Variants in GLIS3 observed in about 807,000 individuals in gnomAD.
GLIS3 encodes GLIS family zinc finger 3.
GLIS3 carries 53 observed loss-of-function variants against 78.6 expected under a neutral mutation model. That is an observed-to-expected ratio of 0.67 (90% CI 0.54 to 0.85). The LOEUF (loss-of-function observed/expected upper bound fraction) is 0.85, where lower values mean the gene tolerates loss of function less well. GLIS3 is among the 40% of genes least tolerant of loss of function. The pLI, the probability that GLIS3 is intolerant of heterozygous loss-of-function variation, is 0.00. For synonymous variants in GLIS3, 684 were observed against 509.9 expected (o/e 1.34, Z -4.60); for missense variants, 1,703 against 1,231.1 (o/e 1.38, Z -5.74).
the GLIS3 span, among the ~76,000 whole-genome samples, chr9:4,363,155 G>T: frequency 1.6e-4 from 25 of 152,296 alleles, no homozygotes; most frequent in African/African-American, 5.5e-4. Context: ...GGGTGCAGTG[G>T]CTCACACATG....
At chr9:3,863,609 G>T (rs988760441) in intron 8 of GLIS3, among the ~76,000 whole-genome samples, 1 of 152,230 alleles carries the variant, frequency 6.6e-6, no homozygotes, top group Non-Finnish European at 1.5e-5. Context: ...ATGATGGCCT[G>T]AACCTACACT....
intron 4 of GLIS3, among the ~76,000 whole-genome samples, chr9:4,073,252 G>A (rs1031461260): frequency 1.3e-5 from 2 of 152,154 alleles, no homozygotes; most frequent in African/African-American, 2.4e-5. Flanking sequence ...AGCACTGACG[G>A]CAACATTCAT....
chr9:4,043,248 G>C (rs1300303281), intron 4 of GLIS3, among the ~76,000 whole-genome samples: 2 of 151,990 alleles, frequency 1.3e-5, no homozygotes, highest in Non-Finnish European at 2.9e-5. Context: ...AGGGGCCAGA[G>C]GTGGTTCTGT....
At chr9:4,414,317 G>A in the GLIS3 span, among the ~76,000 whole-genome samples, 1 of 152,182 alleles carries the variant, frequency 6.6e-6, no homozygotes, top group Admixed American at 6.5e-5. Context: ...ATGGCCCAGA[G>A]GCATTTTTTA....
intron 4 of GLIS3, among the ~76,000 whole-genome samples, chr9:3,962,370 C>A (rs1817625286): frequency 6.6e-6 from 1 of 152,148 alleles, no homozygotes; most frequent in African/African-American, 2.4e-5. Flanking sequence ...GACACAATGA[C>A]ACTTTCTTTA....
At chr9:4,368,916 C>A in the GLIS3 span, among the ~76,000 whole-genome samples, 8 of 152,250 alleles carry the variant, frequency 5.3e-5, no homozygotes, top group South Asian at 1.7e-3. Context: ...CAAAGCTCTT[C>A]AATGAGAATA....
intron 4 of GLIS3, among the ~76,000 whole-genome samples, chr9:3,964,981 C>T (rs190676809): frequency 1.4e-4 from 21 of 151,950 alleles, no homozygotes; most frequent in Admixed American, 8.5e-4. Context: ...AACTTAGTTC[C>T]GTTAACTACC....
chr9:4,397,285 A>T, the GLIS3 span, among the ~76,000 whole-genome samples: 4 of 150,786 alleles, frequency 2.7e-5, no homozygotes, highest in East Asian at 5.9e-4. Context: ...TCGGCCTCCC[A>T]AAGTGCTGGG....
At chr9:4,216,890 T>C (rs910356227) in intron 2 of GLIS3, among the ~76,000 whole-genome samples, 2 of 152,218 alleles carry the variant, frequency 1.3e-5, no homozygotes, top group Admixed American at 6.5e-5. Context: ...CCCTCCTCTC[T>C]TGAATAGCAA....
chr9:4,029,130 T>TA (rs1172241628), intron 4 of GLIS3, among the ~76,000 whole-genome samples: 1 of 152,076 alleles, frequency 6.6e-6, no homozygotes, highest in Non-Finnish European at 1.5e-5. Context: ...TCCTCCAAAA[T>TA]ACATTTAAGT....
intron 6 of GLIS3, among the ~76,000 whole-genome samples, chr9:3,920,039 T>C (rs938237662): frequency 2.1e-5 from 3 of 146,190 alleles, no homozygotes; most frequent in African/African-American, 7.6e-5. Context: ...AGTCTCACTC[T>C]GTTGCCCAGG....
At chr9:3,932,746 G>A (rs1310164093) in intron 5 of GLIS3, 2 of 434,956 alleles carry the variant, frequency 4.6e-6, no homozygotes, top group South Asian at 1.9e-5. Flanking sequence ...ACCTCTTGGG[G>A]CATTTTTTAA....
chr9:4,443,099 A>T, the GLIS3 span, among the ~76,000 whole-genome samples: 1 of 152,136 alleles, frequency 6.6e-6, no homozygotes, highest in Non-Finnish European at 1.5e-5. Context: ...ATCTTCCTTT[A>T]TGAAACATTG....
At chr9:4,376,656 A>G in the GLIS3 span, among the ~76,000 whole-genome samples, 1 of 135,430 alleles carries the variant, frequency 7.4e-6, no homozygotes, top group East Asian at 2.2e-4. Flanking sequence ...AAGAAGAAAT[A>G]TAACTTTTTC....
chr9:3,896,682 G>C (rs199660250), intron 7 of GLIS3, among the ~76,000 whole-genome samples: 1 of 10,640 alleles, frequency 9.4e-5, no homozygotes, highest in Non-Finnish European at 2.3e-4. Context: ...AAAAAAAAAA[G>C]AAGTAGAGAG....
At chr9:4,243,982 A>C (rs1322912718) in intron 2 of GLIS3, among the ~76,000 whole-genome samples, 6 of 152,180 alleles carry the variant, frequency 3.9e-5, no homozygotes, top group Non-Finnish European at 8.8e-5. Context: ...CTTGCTGAGA[A>C]CATCTGGCCA....
intron 4 of GLIS3, among the ~76,000 whole-genome samples, chr9:4,080,032 C>A (rs796677943): frequency 4.6e-5 from 7 of 152,286 alleles, no homozygotes; most frequent in African/African-American, 1.7e-4. Context: ...CATACAGGAT[C>A]CATTTGGAAA....
At chr9:4,064,729 G>A (rs1466340897) in intron 4 of GLIS3, among the ~76,000 whole-genome samples, 2 of 152,192 alleles carry the variant, frequency 1.3e-5, no homozygotes, top group African/African-American at 2.4e-5. Flanking sequence ...GGGAGGTGGA[G>A]GTTGAAATGA....
chr9:4,056,788 G>C (rs1826187434), intron 4 of GLIS3, among the ~76,000 whole-genome samples: 1 of 151,400 alleles, frequency 6.6e-6, no homozygotes, highest in Non-Finnish European at 1.5e-5. Context: ...AATCTATAAG[G>C]AAAAGAGAAA....
Sources: gnomAD v4.1 joint callset for allele counts (sites outside exome capture counted in the v4.1 genomes callset) on GRCh38, gnomAD v4.1.1 for gene constraint, MANE v1.5 for transcripts, NCBI Gene and HGNC (gene_info 2026-07-23, HGNC 2026-07-21) for gene names.